Variants in TLN1 observed in about 807,000 individuals in gnomAD.
TLN1 encodes talin 1.
A neutral mutation model predicts 292.3 loss-of-function variants in TLN1; 56 were observed. The observed-to-expected ratio is 0.19, with a 90% CI of 0.15 to 0.24. TLN1 has a LOEUF of 0.24. Ranked by LOEUF, TLN1 falls within the 10% of genes least tolerant of loss-of-function variation. The probability of loss-of-function intolerance (pLI) is 1.00; values close to 1 mark genes in which losing one functional copy is unlikely to be tolerated. For synonymous variants in TLN1, 1,119 were observed against 1,253.7 expected (o/e 0.89, Z 2.27); for missense variants, 2,433 against 3,248.2 (o/e 0.75, Z 6.10).
In TLN1 at chr9:35,717,028, A is replaced by C; in HGVS notation, c.2458+118T>G. 8.5e-7 allele frequency: 1 copy of C among 1,177,150 alleles called. No homozygotes were observed. The highest frequency in any genetic ancestry group is 1.2e-6 in the Non-Finnish European group (1 of 844,726). The allele number at this position is 1,177,150 out of a possible 1,614,324, so 72.9% of individuals were successfully genotyped here. ...TGAGCCTATGGTTGTGTGGCTGGCA[A>C]GCCCACACTGTGCTGAGTTCCTTGG... On this transcript the variant is annotated intron_variant, in intron 19 of 56. Transcript: ENST00000314888. The surrounding 1 kb of genome is among the most constrained non-coding windows in gnomAD (Gnocchi z 4.7).
At position 35,697,863 on chromosome 9, in the gene TLN1, C is replaced by T. The variant is rs1825393874; in HGVS notation, c.7554G>A (p.Ala2518=). 5.0e-6 allele frequency: 8 copies of T among 1,614,184 alleles called. No individual in the cohort carries two copies. The highest frequency in any genetic ancestry group is 2.2e-5 in the South Asian group (2 of 91,090). Reference sequence around the variant, plus strand: ...GCCGGATCTGGGCCAGTTTCTTCCGCGCCTCTTCCAGCTCTCGTTCCTTCC... The same window carrying T: ...GCCGGATCTGGGCCAGTTTCTTCCGTGCCTCTTCCAGCTCTCGTTCCTTCC... ...MLRKERELEE[A]RKKLAQIRQQ... The change falls in exon 57 of 57, where the codon GCG becomes GCA. Residue 2518 remains alanine (A), a synonymous_variant. Coordinates refer to ENST00000314888, the MANE Select transcript of TLN1 (RefSeq NM_006289.4).
At position 35,706,495 on chromosome 9, in the gene TLN1, C is replaced by T. The variant is rs879217827; in HGVS notation, c.5145G>A (p.Pro1715=). The stretch of plus-strand genomic sequence containing the variant: ...CTTCAGCCCGGGCAGCATTGGCCAG[C>T]GGCTCAATGAGATGGGAGATCTCTT... ...AVQEISHLIE[P]LANAARAEAS... Residue 1715 remains proline, a synonymous_variant, in exon 39 of 57, where the codon CCG becomes CCA. Transcript: ENST00000314888. The surrounding 1 kb of genome is among the most constrained non-coding windows in gnomAD (Gnocchi z 4.2). The T allele has an allele frequency of 1.4e-5, 23 of 1,613,934 alleles. No individual in the cohort carries two copies. The highest frequency in any genetic ancestry group is 1.6e-5 in the Non-Finnish European group (19 of 1,180,004).
At chr9:35,730,201 G>C (rs545707019) in intron 1 of TLN1, among the ~76,000 whole-genome samples, 1 of 151,596 alleles carries the variant, frequency 6.6e-6, no homozygotes, top group Admixed American at 6.6e-5. Context: ...AGACTGGGGT[G>C]GGGGTGGGAA....
rs1206124690 is a variant in TLN1, at chr9:35,720,257, C to T, written c.1284-38G>A. The T allele has an allele frequency of 1.9e-6, 3 of 1,552,616 alleles. No individual in the cohort carries two copies. In the African/African-American group the frequency reaches 4.1e-5, roughly 21 times the overall value. On this transcript the variant is annotated intron_variant, in intron 12 of 56. Coordinates refer to ENST00000314888, the MANE Select transcript of TLN1 (RefSeq NM_006289.4). Reference sequence around the variant, plus strand: ...GAACTATTGAGCTCACAGAGGACTCCTCATCTCTACCCGTCCCACCCGGTT... The same window carrying T: ...GAACTATTGAGCTCACAGAGGACTCTTCATCTCTACCCGTCCCACCCGGTT...
chr9:35,725,276 CCCT>C lies in TLN1; in HGVS notation c.173_175del (p.Lys58_Gly59delinsSer). The C allele has an allele frequency of 6.2e-7, 1 of 1,614,162 alleles. No individual in the cohort carries two copies. The highest frequency in any genetic ancestry group is 1.1e-5 in the South Asian group (1 of 91,088). ...AGCTTTCCCAGCCTCCAGCCATATA[CCCT>C]TTTTGGGGTCATCATCTGACAGAAA... On this transcript the variant is annotated inframe_deletion, in exon 3 of 57. Transcript: ENST00000314888.
chr9:35,723,866 C>T, intron 7 of TLN1, 86 bp downstream of exon 7: 1 of 1,567,022 alleles, frequency 6.4e-7, no homozygotes. Flanking sequence ...TAGTGGGGGG[C>T]AGGCTTGGAA....
chr9:35,706,025 C>T lies in TLN1; in HGVS notation c.5448G>A (p.Glu1816=), dbSNP rs746751020. 6.2e-7 allele frequency: 1 copy of T among 1,614,212 alleles called. No homozygotes were observed. Among genetic ancestry groups the T allele is most frequent in the Non-Finnish European group, 8.5e-7 (1 of 1,180,044 alleles). Residue 1816 remains glutamate (E), a synonymous_variant, in exon 41 of 57, where the codon GAG becomes GAA. Coordinates refer to ENST00000314888, the MANE Select transcript of TLN1 (RefSeq NM_006289.4). This position sits in a 1 kb window ranked among gnomAD's most constrained non-coding sequence, Gnocchi z 4.2. ...AVEDLTTTLN[E]AASAAGVVGG... ...CCACGACCCCAGCAGCACTGGCTGC[C>T]TCGTTGAGGGTTGTTGTCAGGTCCT...
At chr9:35,722,331 G>C in intron 8 of TLN1, 108 bp from the exon 9 acceptor site, 1 of 961,268 alleles carries the variant, frequency 1.0e-6, no homozygotes, top group East Asian at 2.5e-5. Flanking sequence ...CACTGGAAAG[G>C]TTGAGGAGTA....
intron 29 of TLN1, 90 bp downstream of exon 29, chr9:35,711,505 A>G: frequency 6.2e-7 from 1 of 1,604,048 alleles, no homozygotes; most frequent in Non-Finnish European, 8.5e-7. Context: ...GAGGGAAGGG[A>G]GCCAGGAGCA....
At position 35,704,332 on chromosome 9, in the gene TLN1, C is replaced by T. The variant is rs1382059912; in HGVS notation, c.6047G>A (p.Arg2016Gln). 1.2e-6 allele frequency: 2 copies of T among 1,612,392 alleles called. No individual in the cohort carries two copies. Among genetic ancestry groups the T allele is most frequent in the Non-Finnish European group, 1.7e-6 (2 of 1,179,050 alleles). ...CCCTTAGGCCCAGTTCCTGTCTTAC[C>T]GGTGGTCAGCGAAAGTTTCAGTACC... ...REGTETFADH[R>Q]EGILKTAKVL... is the part of the protein sequence containing the mutation. The change falls in exon 45 of 57, where the codon CGG becomes CAG. Residue 2016 changes from arginine to glutamine, a missense_variant and splice_region_variant. Transcript: ENST00000314888. The surrounding 1 kb of genome is among the most constrained non-coding windows in gnomAD (Gnocchi z 6.9).
Position 35,722,205 on chromosome 9 carries a change from G to C in TLN1, c.862C>G (p.Gln288Glu). 6.2e-7 allele frequency: 1 copy of C among 1,614,170 alleles called. No homozygotes were observed. Among genetic ancestry groups the C allele is most frequent in the South Asian group, 1.1e-5 (1 of 91,086 alleles). The change falls in exon 9 of 57, where the codon CAG becomes GAG. Residue 288 changes from glutamine to glutamate, a missense_variant. Physicochemically the swap from Gln to Glu is conservative, Grantham distance 29. Around this residue, in one of 7 missense-constraint regions of TLN1, gnomAD observed 78 missense variants for 88.8 expected, o/e 0.88. Transcript: ENST00000314888. ...KIFQAHKNCG[Q>E]MSEIEAKVRY... ...ACCTTGGCCTCAATCTCACTCATCT[G>C]CCCACAATTCTTGTGTGCCTGTGCA...
chr9:35,715,320 A>T (rs577394182), intron 20 of TLN1, 133 bp from the exon 21 acceptor site: 28 of 1,260,528 alleles, frequency 2.2e-5, no homozygotes, highest in Non-Finnish European at 2.9e-5. Context: ...GCCCCACCAA[A>T]AGGCAATCAC....
At chr9:35,709,280 C>T (rs1034839085) in intron 33 of TLN1, among the ~76,000 whole-genome samples, 1 of 151,986 alleles carries the variant, frequency 6.6e-6, no homozygotes, top group East Asian at 1.9e-4. Context: ...GGCGACAGAG[C>T]GAGACTCCGT....
In TLN1 at chr9:35,712,864, C is replaced by T. The variant is rs1208447452; in HGVS notation, c.3532G>A (p.Asp1178Asn). The T allele has an allele frequency of 3.8e-6, 6 of 1,591,320 alleles. No homozygotes were observed. The highest frequency in any genetic ancestry group is 5.1e-6 in the Non-Finnish European group (6 of 1,167,862). ...GCAAGCCGCTGCTGGCTCTCAGGGTCCCCTGGATGGCCAGCTGCCTTTTTC... is the reference window on the plus strand; with the variant it reads ...GCAAGCCGCTGCTGGCTCTCAGGGTTCCCTGGATGGCCAGCTGCCTTTTTC... ...EAKKAAGHPG[D>N]PESQQRLAQV... The change falls in exon 27 of 57, where the codon GAC becomes AAC. Residue 1178 changes from aspartate to asparagine, a missense_variant. This residue lies in a region of TLN1 where 1,384 missense variants were observed against 1,699.6 expected (regional missense o/e 0.81). Transcript: ENST00000314888.
rs929430740 is a variant in TLN1 at position 35,697,206 on chromosome 9, C to G, written c.*585G>C. The G allele has an allele frequency of 1.3e-5, 2 of 152,830 alleles. No individual in the cohort carries two copies. The highest frequency in any genetic ancestry group is 6.5e-5 in the Admixed American group (1 of 15,322). 9.5% of individuals were successfully genotyped at this position (152,830 alleles called of 1,614,324 possible). ...GGTCCGGGTGCAAGGAGGAAGGGACCTCAGGTGCAGACTGCCAGTCTTCCC... is the reference window on the plus strand; with the variant it reads ...GGTCCGGGTGCAAGGAGGAAGGGACGTCAGGTGCAGACTGCCAGTCTTCCC... On this transcript the variant is annotated 3_prime_UTR_variant, in exon 57 of 57. Coordinates refer to ENST00000314888, the MANE Select transcript of TLN1 (RefSeq NM_006289.4).
At chr9:35,697,987 G>C (rs1042763009) in intron 56 of TLN1, 57 bp downstream of exon 56, 1 of 1,613,882 alleles carries the variant, frequency 6.2e-7, no homozygotes, top group South Asian at 1.1e-5. Context: ...TGGGACCAGC[G>C]CAGGCAACAT....
chr9:35,697,801 T>C lies in TLN1; in HGVS notation c.7616A>G (p.Asp2539Gly), dbSNP rs1468937293. 6.2e-7 allele frequency: 1 copy of C among 1,614,074 alleles called. No homozygotes were observed. Among genetic ancestry groups the C allele is most frequent in the Non-Finnish European group, 8.5e-7 (1 of 1,180,010 alleles). The change falls in exon 57 of 57, where the codon GAT becomes GGT. Residue 2539 changes from aspartate (D) to glycine (G), a missense_variant. Asp to Gly is a moderately conservative substitution (Grantham distance 94). Transcript: ENST00000314888. ...QYKFLPSELRDEH is the reference protein window; with the variant it reads ...QYKFLPSELRGEH ...ATAGAAGAGGCTTCTTTAGTGCTCA[T>C]CTCGAAGCTCTGAAGGCAGAAACTT...
In TLN1 at chr9:35,700,086, C is replaced by A; in HGVS notation, c.6661-5G>T. 1 of 1,608,622 alleles carries A rather than the reference C, an allele frequency of 6.2e-7. No individual in the cohort carries two copies. The highest frequency in any genetic ancestry group is 8.5e-7 in the Non-Finnish European group (1 of 1,175,884). On this transcript the variant is annotated splice_region_variant and splice_polypyrimidine_tract_variant and intron_variant, in intron 49 of 56. Coordinates refer to ENST00000314888, the MANE Select transcript of TLN1 (RefSeq NM_006289.4). ...TTCTGGGTGGTAAGCTGCTTCCTGT[C>A]CCCAGAGTAATATGTTAGCTTTAGG...
Position 35,707,051 on chromosome 9 carries a change from T to C in TLN1, c.4955+21A>G, listed in dbSNP as rs759687297. On this transcript the variant is annotated intron_variant, in intron 37 of 56. Coordinates refer to ENST00000314888, the MANE Select transcript of TLN1 (RefSeq NM_006289.4). This position sits in a 1 kb window ranked among gnomAD's most constrained non-coding sequence, Gnocchi z 5.6. Reference sequence around the variant, plus strand: ...CACAATGTATGCCCCCCAGCCACACTGGTTCCCCATCCCTCAATACCTCAT... The same window carrying C: ...CACAATGTATGCCCCCCAGCCACACCGGTTCCCCATCCCTCAATACCTCAT... 15 of 1,610,344 alleles carry C rather than the reference T, an allele frequency of 9.3e-6. No individual in the cohort carries two copies. In the South Asian group the frequency reaches 1.7e-4, roughly 18 times the overall value.
Sources: allele counts gnomAD v4.1 joint callset (sites outside exome capture counted in the v4.1 genomes callset), GRCh38; gene constraint gnomAD v4.1.1; regional missense constraint gnomAD v4.1.1; non-coding constraint Gnocchi (gnomAD v3.1); transcripts MANE v1.5; gene names NCBI Gene and HGNC (gene_info 2026-07-23, HGNC 2026-07-21).